Variants in GRIK2 observed in about 807,000 individuals in gnomAD.
The protein encoded by GRIK2 is glutamate ionotropic receptor kainate type subunit 2, also known as glutamate receptor ionotropic, kainate 2.
In GRIK2, 32 loss-of-function variants were observed where a neutral mutation model predicts 100.3. That is an observed-to-expected ratio of 0.32 (90% confidence interval 0.24 to 0.43). The LOEUF (loss-of-function observed/expected upper bound fraction) is 0.43, where lower values mean the gene tolerates loss of function less well. Among genes scored for constraint, GRIK2 ranks in the 20% least tolerant of loss-of-function variants. GRIK2 has a pLI of 1.00. For synonymous variants in GRIK2, 417 were observed against 389.4 expected (o/e 1.07, Z -0.83); for missense variants, 843 against 1,114.9 (o/e 0.76, Z 3.47).
At chr6:101,467,235 A>G (rs1431887677) in intron 2 of GRIK2, among the ~76,000 whole-genome samples, 1 of 152,218 alleles carries the variant, frequency 6.6e-6, no homozygotes, top group African/African-American at 2.4e-5. Flanking sequence ...CTACATATAA[A>G]TAATTTAAAA....
intron 7 of GRIK2, among the ~76,000 whole-genome samples, chr6:101,729,069 T>G (rs1037689831): frequency 3.3e-5 from 5 of 152,068 alleles, no homozygotes; most frequent in African/African-American, 1.2e-4. Flanking sequence ...TATGTTATAA[T>G]TACAATTATC....
intron 2 of GRIK2, among the ~76,000 whole-genome samples, chr6:101,590,202 C>G (rs1300913581): frequency 6.6e-6 from 1 of 152,058 alleles, no homozygotes; most frequent in African/African-American, 2.4e-5. Flanking sequence ...CAGTTATCTG[C>G]TTATGGCATC....
At chr6:101,477,755 A>G (rs1250481549) in intron 2 of GRIK2, among the ~76,000 whole-genome samples, 1 of 152,052 alleles carries the variant, frequency 6.6e-6, no homozygotes, top group South Asian at 2.1e-4. Flanking sequence ...AACAGAAGGG[A>G]GGTATGTTTC....
At chr6:102,026,045 C>A (rs1343516064) in intron 14 of GRIK2, among the ~76,000 whole-genome samples, 1 of 143,402 alleles carries the variant, frequency 7.0e-6, no homozygotes, top group African/African-American at 2.6e-5. Flanking sequence ...GAGGGGAAAA[C>A]AAGTTTCCTT....
chr6:101,667,019 T>TA (rs1198378229), intron 4 of GRIK2, among the ~76,000 whole-genome samples: 5 of 152,186 alleles, frequency 3.3e-5, no homozygotes, highest in African/African-American at 1.2e-4. Context: ...AACTAAAGTT[T>TA]AAAACATTTA....
intron 12 of GRIK2, among the ~76,000 whole-genome samples, chr6:101,919,667 T>C (rs1789367647): frequency 6.6e-6 from 1 of 151,678 alleles, no homozygotes; most frequent in Non-Finnish European, 1.5e-5. Flanking sequence ...AGAAGGAAAG[T>C]TTTGAGAGCT....
At chr6:101,903,863 G>A (rs138997397) in intron 12 of GRIK2, among the ~76,000 whole-genome samples, 80 of 151,542 alleles carry the variant, frequency 5.3e-4, no homozygotes, top group Middle Eastern at 3.4e-3. Flanking sequence ...CATATTTTAG[G>A]AGAGCTTTTA....
In GRIK2 at chr6:101,399,177, G is replaced by A; in HGVS notation, c.-101G>A. ...CTCTCTATGACCATGCCGTGATCGT[G>A]TCTGCGGTCACCACTCGACGCATCC... On this transcript the variant is annotated 5_prime_UTR_variant, in exon 2 of 17. Coordinates refer to ENST00000369134, the MANE Select transcript of GRIK2 (RefSeq NM_021956.5). 1 of 733,560 alleles carries A rather than the reference G, an allele frequency of 1.4e-6. No individual in the cohort carries two copies. Among genetic ancestry groups the A allele is most frequent in the Non-Finnish European group, 2.5e-6 (1 of 395,474 alleles). The allele number at this position is 733,560 out of a possible 1,614,324, so 45.4% of individuals were successfully genotyped here.
At position 101,736,496 on chromosome 6, in the gene GRIK2, G is replaced by T. The variant is rs1001079293; in HGVS notation, c.951+50143G>T. Among the ~76,000 whole-genome samples the T allele has an allele frequency of 1.1e-4, 17 of 152,146 alleles. 1 individual carries two copies. On this transcript the variant is annotated intron_variant, in intron 7 of 16. Transcript: ENST00000369134. ...TTTCCTGACTTCTGTGCACTCACAG[G>T]CTTAACACCACATGGAAGCTGCCAA...
chr6:101,521,385 A>G (rs1203701747), intron 2 of GRIK2, among the ~76,000 whole-genome samples: 3 of 151,970 alleles, frequency 2.0e-5, no homozygotes, highest in Non-Finnish European at 4.4e-5. Flanking sequence ...TATTTTTTCT[A>G]TGTTTCAAAA....
At chr6:101,623,643 C>A (rs2128317511) in intron 3 of GRIK2, among the ~76,000 whole-genome samples, 1 of 152,206 alleles carries the variant, frequency 6.6e-6, no homozygotes, top group South Asian at 2.1e-4. Context: ...AGAGTACTAT[C>A]CTGGGAATGC....
intron 10 of GRIK2, among the ~76,000 whole-genome samples, chr6:101,849,767 T>C (rs1263032071): frequency 6.6e-6 from 1 of 151,344 alleles, no homozygotes. Context: ...GTAACCATTA[T>C]GTCTTTTTCA....
intron 4 of GRIK2, among the ~76,000 whole-genome samples, chr6:101,649,664 A>C (rs1781698430): frequency 1.3e-5 from 2 of 152,068 alleles, no homozygotes; most frequent in Admixed American, 1.3e-4. Flanking sequence ...CCTTATAATA[A>C]TCTTGGAGAT....
chr6:101,439,587 T>A (rs1380672834), intron 2 of GRIK2, among the ~76,000 whole-genome samples: 1 of 152,150 alleles, frequency 6.6e-6, no homozygotes, highest in African/African-American at 2.4e-5. Flanking sequence ...GACTTTTCCA[T>A]TATGCAATAT....
chr6:101,730,359 T>A (rs1205267730), intron 7 of GRIK2, among the ~76,000 whole-genome samples: 1 of 151,948 alleles, frequency 6.6e-6, no homozygotes, highest in Non-Finnish European at 1.5e-5. Context: ...CCTGCTCCAG[T>A]CCTGTCCTGT....
chr6:101,950,371 T>G (rs1018569076), intron 14 of GRIK2, among the ~76,000 whole-genome samples: 6 of 152,154 alleles, frequency 3.9e-5, no homozygotes, highest in Admixed American at 3.3e-4. Context: ...GTCACTTGAA[T>G]AAACCTCTCT....
chr6:101,519,087 C>A (rs894597973), intron 2 of GRIK2, among the ~76,000 whole-genome samples: 1 of 152,120 alleles, frequency 6.6e-6, no homozygotes. Flanking sequence ...AATGGCTAAG[C>A]CTTGCCTCTG....
chr6:101,916,570 A>C (rs1347795686), intron 12 of GRIK2, among the ~76,000 whole-genome samples: 2 of 151,646 alleles, frequency 1.3e-5, no homozygotes, highest in East Asian at 3.9e-4. Flanking sequence ...GAAATGATAA[A>C]GATTGAAATG....
intron 2 of GRIK2, among the ~76,000 whole-genome samples, chr6:101,477,059 C>G (rs1044884204): frequency 6.6e-6 from 1 of 152,000 alleles, no homozygotes; most frequent in African/African-American, 2.4e-5. Flanking sequence ...GCCTAAAGTA[C>G]CCTAAGATTC....
Sources: gnomAD v4.1 joint callset for allele counts (sites outside exome capture counted in the v4.1 genomes callset) on GRCh38, gnomAD v4.1.1 for gene constraint, MANE v1.5 for transcripts, NCBI Gene and HGNC (gene_info 2026-07-23, HGNC 2026-07-21) for gene names.